Variants in IL17RD observed in about 807,000 individuals in gnomAD.
IL17RD encodes the protein interleukin-17 receptor D.
In IL17RD, 52 loss-of-function variants were observed where a neutral mutation model predicts 80.5. The observed-to-expected ratio is 0.65, with a 90% confidence interval of 0.52 to 0.81. The LOEUF (loss-of-function observed/expected upper bound fraction) is 0.81, where lower values mean the gene tolerates loss of function less well. Ranked by LOEUF, IL17RD falls within the 40% of genes least tolerant of loss-of-function variation. The probability of loss-of-function intolerance (pLI) is 0.00; values close to 1 mark genes in which losing one functional copy is unlikely to be tolerated. For missense variants in IL17RD, 1,024 were observed against 955.1 expected (o/e 1.07, Z -0.95); for synonymous variants, 416 against 391.8 (o/e 1.06, Z -0.73).
rs1020092018 is a variant in IL17RD, at chr3:57,160,544, G to T, written c.126+4617C>A. ...GCCTCCTCATCTGCCCCAGGCCAGA[G>T]GCACCCATCCAAACTAGCTTCTCCC... On this transcript the variant is annotated intron_variant, in intron 1 of 12. Coordinates refer to ENST00000296318, the MANE Select transcript of IL17RD (RefSeq NM_017563.5). 2.6e-5 allele frequency among the ~76,000 whole-genome samples: 4 copies of T among 152,066 alleles called. No homozygotes were observed. The East Asian group carries it at 7.8e-4, about 30-fold the overall frequency.
intron 3 of IL17RD, among the ~76,000 whole-genome samples, chr3:57,114,438 T>C (rs1579276253): frequency 6.6e-6 from 1 of 152,222 alleles, no homozygotes; most frequent in Non-Finnish European, 1.5e-5. Context: ...GTGCCATTTA[T>C]TACTCACACA....
intron 1 of IL17RD, 121 bp downstream of exon 1, chr3:57,165,040 C>T: frequency 2.2e-6 from 3 of 1,355,306 alleles, no homozygotes; most frequent in African/African-American, 1.5e-5. Flanking sequence ...GAGACCCAGG[C>T]CGGCCGCGGA....
chr3:57,119,482 T>G (rs1010163282), intron 2 of IL17RD, among the ~76,000 whole-genome samples: 40 of 151,992 alleles, frequency 2.6e-4, no homozygotes, highest in African/African-American at 8.9e-4. Context: ...TGAGCAGAGA[T>G]CACGCCACTA....
At chr3:57,131,127 T>A (rs559628367) in intron 1 of IL17RD, among the ~76,000 whole-genome samples, 1 of 151,152 alleles carries the variant, frequency 6.6e-6, no homozygotes, top group South Asian at 2.1e-4. Flanking sequence ...TGAACAAGCT[T>A]CCCCTCCCCC....
intron 1 of IL17RD, among the ~76,000 whole-genome samples, chr3:57,122,491 A>G (rs138583875): frequency 0.029 from 4,414 of 152,312 alleles, 101 homozygotes; most frequent in Admixed American, 0.044. Context: ...TCAGATCAGC[A>G]GTGGCACTGG....
In IL17RD at chr3:57,106,127, T is replaced by C; in HGVS notation, c.578A>G (p.Asn193Ser). The C allele has an allele frequency of 2.5e-6, 4 of 1,612,762 alleles. No homozygotes were observed. The highest frequency in any genetic ancestry group is 3.4e-6 in the Non-Finnish European group (4 of 1,178,994). ...RACDLLLQPD[N>S]LACKPFWKPR... ...TTACTTACAGGGTTTACAAGCTAGATTGTCCGGCTGTAACAACAGGTCACA... is the reference window on the plus strand; with the variant it reads ...TTACTTACAGGGTTTACAAGCTAGACTGTCCGGCTGTAACAACAGGTCACA... Residue 193 changes from asparagine (N) to serine (S), a missense_variant, in exon 6 of 13, where the codon AAT becomes AGT. Asn to Ser is a conservative substitution (Grantham distance 46). Coordinates refer to ENST00000296318, the MANE Select transcript of IL17RD (RefSeq NM_017563.5).
chr3:57,106,033 G>A (rs917211221), intron 6 of IL17RD, 25 bp from the exon 7 acceptor site: 10 of 1,613,458 alleles, frequency 6.2e-6, no homozygotes, highest in East Asian at 2.2e-5. Context: ...GACCCAGAGT[G>A]AGCAACCAGA....
chr3:57,094,982 C>A lies in IL17RD; in HGVS notation c.*1411G>T, dbSNP rs926222512. ...CTTTTCTTTCCAGCAGGGGTGCAAG[C>A]CCCCCTTTCCCCACCTGCCATGCAT... On this transcript the variant is annotated 3_prime_UTR_variant, in exon 13 of 13. Coordinates refer to ENST00000296318, the MANE Select transcript of IL17RD (RefSeq NM_017563.5). The A allele has an allele frequency of 6.6e-6, 1 of 152,616 alleles. No homozygotes were observed. The highest frequency in any genetic ancestry group is 6.5e-5 in the Admixed American group (1 of 15,282). The allele number at this position is 152,616 out of a possible 1,614,324, so 9.5% of individuals were successfully genotyped here.
chr3:57,146,302 G>A (rs17057780), intron 1 of IL17RD, among the ~76,000 whole-genome samples: 2,376 of 152,026 alleles, frequency 0.016, 63 homozygotes, highest in African/African-American at 0.054. Flanking sequence ...TCTACTAAGC[G>A]ACATTTCGCC....
At chr3:57,148,995 T>C (rs569551089) in intron 1 of IL17RD, among the ~76,000 whole-genome samples, 61 of 152,288 alleles carry the variant, frequency 4.0e-4, no homozygotes, top group Non-Finnish European at 7.5e-4. Flanking sequence ...GGGCCAAAGA[T>C]GGTGCTATCT....
intron 1 of IL17RD, among the ~76,000 whole-genome samples, chr3:57,161,016 T>G (rs1337659450): frequency 6.6e-6 from 1 of 152,004 alleles, no homozygotes; most frequent in Non-Finnish European, 1.5e-5. Context: ...CTGCAGGGGC[T>G]TGGGGTTGGG....
intron 7 of IL17RD, among the ~76,000 whole-genome samples, chr3:57,104,852 C>T (rs960142084): frequency 6.6e-6 from 1 of 152,272 alleles, no homozygotes; most frequent in African/African-American, 2.4e-5. Context: ...TACACAGGAG[C>T]ATGTCTAAGG....
rs1191739942 is a variant in IL17RD at position 57,127,313 on chromosome 3, TAA to T, written c.127-7002_127-7001del. ...ATATATAAATATATATAAAAATATA[TAA>T]AAATATATATAAATATATATAAAAA... On this transcript the variant is annotated intron_variant, in intron 1 of 12. Coordinates refer to ENST00000296318, the MANE Select transcript of IL17RD (RefSeq NM_017563.5). 3.4e-4 allele frequency among the ~76,000 whole-genome samples: 33 copies of T among 97,328 alleles called. 1 individual carries two copies. In the East Asian group the frequency reaches 4.1e-3, roughly 12 times the overall value. The allele number at this position is 97,328 out of a possible 152,430, so 63.9% of individuals were successfully genotyped here.
At position 57,097,405 on chromosome 3, in the gene IL17RD, G is replaced by A. The variant is rs916113280; in HGVS notation, c.2107+191C>T. The A allele has an allele frequency of 1.2e-5, 7 of 608,406 alleles. No individual in the cohort carries two copies. The Admixed American group carries it at 1.7e-4, about 15-fold the overall frequency. 37.7% of individuals were successfully genotyped at this position (608,406 alleles called of 1,614,324 possible). ...GGCAGCTCACTATAATTTAGCATTAGTATTTCTGCAACTCAAACATGTGAG... is the reference window on the plus strand; with the variant it reads ...GGCAGCTCACTATAATTTAGCATTAATATTTCTGCAACTCAAACATGTGAG... On this transcript the variant is annotated intron_variant, in intron 12 of 12. Coordinates refer to ENST00000296318, the MANE Select transcript of IL17RD (RefSeq NM_017563.5).
At chr3:57,123,887 T>C (rs1313940859) in intron 1 of IL17RD, among the ~76,000 whole-genome samples, 1 of 151,948 alleles carries the variant, frequency 6.6e-6, no homozygotes, top group Non-Finnish European at 1.5e-5. Context: ...CTACTAAAAA[T>C]ACAAAAAATT....
intron 12 of IL17RD, among the ~76,000 whole-genome samples, chr3:57,096,796 G>A (rs941599688): frequency 6.6e-6 from 1 of 152,094 alleles, no homozygotes; most frequent in Non-Finnish European, 1.5e-5. Flanking sequence ...GATCACTTGA[G>A]GTCAGGAGTT....
At chr3:57,153,829 A>G (rs1440987372) in intron 1 of IL17RD, among the ~76,000 whole-genome samples, 2 of 152,174 alleles carry the variant, frequency 1.3e-5, no homozygotes, top group Non-Finnish European at 2.9e-5. Flanking sequence ...CACACTATAT[A>G]CATTTATATT....
At position 57,090,108 on chromosome 3, in the gene IL17RD, G is replaced by A. The variant is rs1706520441; in HGVS notation, c.*6285C>T. On this transcript the variant is annotated 3_prime_UTR_variant, in exon 13 of 13. Coordinates refer to ENST00000296318, the MANE Select transcript of IL17RD (RefSeq NM_017563.5). The stretch of plus-strand genomic sequence containing the variant: ...AAATCAAGTCATTAACATTTTCAAT[G>A]TCAAAAATACAGCACGCTGTTAAGA... 6.6e-6 allele frequency: 1 copy of A among 152,596 alleles called. No individual in the cohort carries two copies. The highest frequency in any genetic ancestry group is 2.1e-4 in the South Asian group (1 of 4,826). The allele number at this position is 152,596 out of a possible 1,614,324, so 9.5% of individuals were successfully genotyped here.
At chr3:57,170,241 C>G (rs916409006), upstream of IL17RD, 4 of 152,370 alleles carry the variant, frequency 2.6e-5, no homozygotes, top group South Asian at 4.1e-4. Flanking sequence ...ACCTTGGCCA[C>G]TACACGGAAT....
Sources: gnomAD v4.1 joint callset for allele counts (sites outside exome capture counted in the v4.1 genomes callset) on GRCh38, gnomAD v4.1.1 for gene constraint, MANE v1.5 for transcripts, NCBI Gene and HGNC (gene_info 2026-07-23, HGNC 2026-07-21) for gene names.